Variants in SORCS1 observed in about 807,000 individuals in gnomAD.
SORCS1 encodes VPS10 domain-containing receptor SorCS1.
Under a neutral mutation model 146.1 loss-of-function variants are expected in SORCS1, and 60 were observed. The observed-to-expected ratio is 0.41, with a 90% CI of 0.33 to 0.51. The LOEUF (loss-of-function observed/expected upper bound fraction) is 0.51. Among genes scored for constraint, SORCS1 ranks in the 20% least tolerant of loss-of-function variants. The pLI is 0.21. For synonymous variants in SORCS1, 637 were observed against 584.0 expected (o/e 1.09, Z -1.31); for missense variants, 1,352 against 1,487.6 (o/e 0.91, Z 1.50).
chr10:106,590,424 G>C (rs976202234), intron 24 of SORCS1, among the ~76,000 whole-genome samples: 2 of 152,132 alleles, frequency 1.3e-5, no homozygotes, highest in Non-Finnish European at 2.9e-5. Context: ...GTAAGGCATA[G>C]AGTCATGTGA....
At chr10:107,127,932 C>A (rs1259132553) in intron 1 of SORCS1, among the ~76,000 whole-genome samples, 1 of 152,162 alleles carries the variant, frequency 6.6e-6, no homozygotes, top group Non-Finnish European at 1.5e-5. Flanking sequence ...CATCTTGGAA[C>A]CTCAGATTCT....
In SORCS1 at chr10:107,094,970, A is replaced by G. The variant is rs554595442; in HGVS notation, c.558+68999T>C. ...TGCCTGATCTTCTGGAACATGGGAG[A>G]AGGCAGTCTTTCAGAGTGTCTCTCA... On this transcript the variant is annotated intron_variant, in intron 1 of 25. Coordinates refer to ENST00000263054, the MANE Select transcript of SORCS1 (RefSeq NM_052918.5). Among the ~76,000 whole-genome samples the G allele has an allele frequency of 2.6e-5, 4 of 152,260 alleles. No homozygotes were observed. In the East Asian group the frequency reaches 7.7e-4, roughly 29 times the overall value.
intron 5 of SORCS1, among the ~76,000 whole-genome samples, chr10:106,736,968 CT>C (rs1173982335): frequency 6.6e-6 from 1 of 152,240 alleles, no homozygotes; most frequent in East Asian, 1.9e-4. Flanking sequence ...CCTCCACGTG[CT>C]GCATTTTGTC....
At chr10:106,810,417 T>C (rs1947399533) in intron 3 of SORCS1, among the ~76,000 whole-genome samples, 1 of 152,244 alleles carries the variant, frequency 6.6e-6, no homozygotes, top group Admixed American at 6.5e-5. Flanking sequence ...AATGTTCTTC[T>C]TTCAAGGGCT....
At chr10:106,957,177 T>G (rs1322563032) in intron 1 of SORCS1, among the ~76,000 whole-genome samples, 7 of 136,156 alleles carry the variant, frequency 5.1e-5, no homozygotes, top group East Asian at 2.2e-4. Context: ...TTTTTTTGTT[T>G]TTTTTTTTGG....
chr10:106,583,929 A>G (rs1212586294), intron 24 of SORCS1, among the ~76,000 whole-genome samples: 1 of 152,160 alleles, frequency 6.6e-6, no homozygotes. Context: ...GTTCACTTTC[A>G]TTCTATCAAA....
At chr10:107,101,749 A>ATGTGTGTGTGTG (rs34645920) in intron 1 of SORCS1, among the ~76,000 whole-genome samples, 5 of 147,246 alleles carry the variant, frequency 3.4e-5, no homozygotes, top group Non-Finnish European at 7.5e-5. Context: ...TGGGCTAATT[A>ATGTGTGTGTGTG]TGTGTGTGTG....
At chr10:106,645,816 A>G (rs1298290898) in intron 18 of SORCS1, among the ~76,000 whole-genome samples, 1 of 152,118 alleles carries the variant, frequency 6.6e-6, no homozygotes, top group Non-Finnish European at 1.5e-5. Context: ...TATTACAAAT[A>G]CTTTTTTCCC....
intron 9 of SORCS1, among the ~76,000 whole-genome samples, chr10:106,693,326 G>A (rs777639223): frequency 6.6e-6 from 1 of 152,138 alleles, no homozygotes; most frequent in Non-Finnish European, 1.5e-5. Context: ...CTTGCCTAAG[G>A]TCATCCCATT....
chr10:106,602,304 T>C (rs1846289324), intron 23 of SORCS1, among the ~76,000 whole-genome samples: 1 of 152,162 alleles, frequency 6.6e-6, no homozygotes, highest in Non-Finnish European at 1.5e-5. Flanking sequence ...GGGTGTTGCC[T>C]GGGATGACCT....
chr10:107,029,329 A>G (rs1352784138), intron 1 of SORCS1, among the ~76,000 whole-genome samples: 1 of 152,228 alleles, frequency 6.6e-6, no homozygotes, highest in Non-Finnish European at 1.5e-5. Context: ...AGTCAGAAGA[A>G]TGGGTTTACC....
intron 1 of SORCS1, among the ~76,000 whole-genome samples, chr10:107,059,825 G>C (rs1221762967): frequency 6.6e-6 from 1 of 151,808 alleles, no homozygotes; most frequent in East Asian, 1.9e-4. Context: ...ACAAGCCAGA[G>C]AGTAGAGACC....
chr10:107,174,349 G>A, the SORCS1 span, among the ~76,000 whole-genome samples: 1 of 152,014 alleles, frequency 6.6e-6, no homozygotes, highest in Non-Finnish European at 1.5e-5. Context: ...GGGACTACAG[G>A]CGCCCGCCAC....
intron 3 of SORCS1, among the ~76,000 whole-genome samples, chr10:106,809,450 C>T (rs1947352808): frequency 6.6e-6 from 1 of 151,904 alleles, no homozygotes; most frequent in African/African-American, 2.4e-5. Context: ...GCCAGGATCC[C>T]CCTGCTAGCC....
intron 14 of SORCS1, among the ~76,000 whole-genome samples, chr10:106,673,385 C>T (rs1851760577): frequency 6.6e-6 from 1 of 152,138 alleles, no homozygotes; most frequent in Non-Finnish European, 1.5e-5. Flanking sequence ...CCCGCCTTGG[C>T]CTCCCAAAGT....
chr10:106,818,369 ATTT>A (rs1252277188), intron 3 of SORCS1, among the ~76,000 whole-genome samples: 3 of 143,388 alleles, frequency 2.1e-5, no homozygotes, highest in African/African-American at 5.1e-5. Context: ...GGTCATGAGG[ATTT>A]TTTTTTTTTT....
At chr10:107,124,844 G>T (rs1966610798) in intron 1 of SORCS1, among the ~76,000 whole-genome samples, 1 of 152,048 alleles carries the variant, frequency 6.6e-6, no homozygotes, top group Admixed American at 6.6e-5. Context: ...TCTCCAATTT[G>T]ATCAAGGAAG....
chr10:107,143,461 G>A (rs919412704), intron 1 of SORCS1, among the ~76,000 whole-genome samples: 2 of 152,024 alleles, frequency 1.3e-5, no homozygotes, highest in African/African-American at 4.8e-5. Context: ...CCAAGTAGCT[G>A]GGACTACAGA....
intron 1 of SORCS1, among the ~76,000 whole-genome samples, chr10:106,974,604 C>T (rs956654100): frequency 3.9e-5 from 6 of 152,078 alleles, no homozygotes; most frequent in African/African-American, 1.4e-4. Context: ...ATAAATTGGC[C>T]CTAGACACCA....
Sources: allele counts gnomAD v4.1 joint callset (sites outside exome capture counted in the v4.1 genomes callset), GRCh38; gene constraint gnomAD v4.1.1; transcripts MANE v1.5; gene names NCBI Gene and HGNC (gene_info 2026-07-23, HGNC 2026-07-21).